The following FBXW2 variants were observed in gnomAD, a reference collection of about 807,000 sequenced individuals.
FBXW2 encodes F-box and WD repeat domain containing 2.
A neutral mutation model predicts 46.0 loss-of-function variants in FBXW2; 12 were observed. The ratio of observed to expected loss-of-function variants is 0.26; its 90% confidence interval spans 0.17 to 0.42. The LOEUF is 0.42. Ranked by LOEUF, FBXW2 falls within the 10% of genes least tolerant of loss-of-function variation. The pLI is 1.00. For missense variants in FBXW2, 360 were observed against 537.0 expected (o/e 0.67, Z 3.26); for synonymous variants, 203 against 209.6 (o/e 0.97, Z 0.27).
chr9:120,768,692 G>GCGT (rs2044318457), intron 7 of FBXW2, among the ~76,000 whole-genome samples: 1 of 152,044 alleles, frequency 6.6e-6, no homozygotes. Flanking sequence ...CATCATGGCA[G>GCGT]GTGCCTTTAA....
rs1554809449 is a variant in FBXW2, at chr9:120,788,114, C to G, written c.145G>C (p.Glu49Gln). The change falls in exon 3 of 8, where the codon GAG (glutamate) becomes CAG (glutamine). Residue 49 changes from glutamate (E) to glutamine (Q), a missense_variant. By Grantham distance (29) the Glu-to-Gln change is conservative. Transcript: ENST00000608872. ...AGGAAGTCCCGCTTGAGGAGAGTCT[C>G]TAGGTTATTGGAGAGATGCCTGAGC... ...VQLRHLSNNLETLLKRDFLKL... is the reference protein window; with the variant it reads ...VQLRHLSNNLQTLLKRDFLKL... 6.2e-7 allele frequency: 1 copy of G among 1,614,132 alleles called. No individual in the cohort carries two copies. The highest frequency in any genetic ancestry group is 8.5e-7 in the Non-Finnish European group (1 of 1,180,024).
chr9:120,789,985 T>C (rs1420939318), intron 2 of FBXW2, among the ~76,000 whole-genome samples: 1 of 152,228 alleles, frequency 6.6e-6, no homozygotes, highest in African/African-American at 2.4e-5. Context: ...AATAATCAGA[T>C]GGCTAAAAGT....
intron 7 of FBXW2, among the ~76,000 whole-genome samples, chr9:120,767,383 G>A (rs778768055): frequency 6.6e-6 from 1 of 152,158 alleles, no homozygotes; most frequent in Non-Finnish European, 1.5e-5. Flanking sequence ...TGACATGTTT[G>A]AGAACATCCA....
chr9:120,792,942 A>T, intron 2 of FBXW2: 1 of 1,533,058 alleles, frequency 6.5e-7, no homozygotes, highest in Non-Finnish European at 8.7e-7. Flanking sequence ...GTACTTCATA[A>T]ACCACCTCAT....
rs527330761 is a variant in FBXW2 at position 120,763,955 on chromosome 9, A to G, written c.*604T>C. On this transcript the variant is annotated 3_prime_UTR_variant, in exon 8 of 8. Transcript: ENST00000608872. ...CATGGCCAACCTTGACTCTGCCAAG[A>G]TATAAGGTTTAGAATGAGTTGCTAA... The G allele has an allele frequency of 1.3e-5, 2 of 154,324 alleles. No homozygotes were observed. The highest frequency in any genetic ancestry group is 3.8e-4 in the East Asian group (2 of 5,252). The allele number at this position is 154,324 out of a possible 1,614,324, so 9.6% of individuals were successfully genotyped here. A position where few individuals can be genotyped will look rare whatever the true frequency, so the allele number is the denominator to read the frequency against.
At chr9:120,775,088 C>T (rs1362464128) in intron 5 of FBXW2, among the ~76,000 whole-genome samples, 1 of 150,602 alleles carries the variant, frequency 6.6e-6, no homozygotes, top group Non-Finnish European at 1.5e-5. Context: ...GAAAGAGTCT[C>T]ACTTTGTTGC....
At chr9:120,787,249 G>A (rs1334104877) in intron 3 of FBXW2, among the ~76,000 whole-genome samples, 1 of 152,132 alleles carries the variant, frequency 6.6e-6, no homozygotes, top group East Asian at 1.9e-4. Flanking sequence ...GTCTGGTCTC[G>A]AACTCCTGAG....
chr9:120,764,436 G>A lies in FBXW2; in HGVS notation c.*123C>T, dbSNP rs2044239012. On this transcript the variant is annotated 3_prime_UTR_variant, in exon 8 of 8. Coordinates refer to ENST00000608872, the MANE Select transcript of FBXW2 (RefSeq NM_012164.4). ...CCTGGCAAAACATAGATAAATGATT[G>A]TGCACTGCGTGATGATACCATTAGG... The A allele has an allele frequency of 2.7e-6, 3 of 1,096,302 alleles. No homozygotes were observed. The African/African-American group carries it at 4.7e-5, about 17-fold the overall frequency. 67.9% of individuals were successfully genotyped at this position (1,096,302 alleles called of 1,614,324 possible).
chr9:120,786,018 CA>C (rs3047150), intron 3 of FBXW2, among the ~76,000 whole-genome samples: 2,422 of 40,644 alleles, frequency 0.06, 7 homozygotes, highest in African/African-American at 0.18. Context: ...GACTCCATCT[CA>C]AAAAAAAAAA....
At chr9:120,781,667 C>CAT (rs1475862020) in intron 3 of FBXW2, among the ~76,000 whole-genome samples, 12 of 150,026 alleles carry the variant, frequency 8.0e-5, no homozygotes, top group Non-Finnish European at 4.4e-5. Context: ...CACACACACA[C>CAT]ACACACACAT....
At chr9:120,788,411 T>G in intron 2 of FBXW2, 133 bp from the exon 3 acceptor site, 1 of 745,202 alleles carries the variant, frequency 1.3e-6, no homozygotes. Flanking sequence ...CATTACAACT[T>G]TACAGTTAAT....
intron 6 of FBXW2, 138 bp from the exon 7 acceptor site, chr9:120,771,655 C>T (rs2131303808): frequency 1.5e-6 from 1 of 685,412 alleles, no homozygotes; most frequent in East Asian, 2.7e-5. Context: ...AGCCAAGAAT[C>T]ACAGGTTCAA....
intron 6 of FBXW2, 26 bp downstream of exon 6, chr9:120,772,728 G>A: frequency 6.8e-7 from 1 of 1,462,772 alleles, no homozygotes; most frequent in Non-Finnish European, 9.2e-7. Flanking sequence ...CTTTAATGAA[G>A]CAAATTAATG....
At position 120,771,328 on chromosome 9, in the gene FBXW2, G is replaced by A. The variant is rs779961089; in HGVS notation, c.1076+20C>T. ...CAGCAGGCTTTCAAAGGTAAAGCGT[G>A]AGGTCGAAGGAAACATTACCTGAGA... is the stretch of plus-strand genomic sequence containing the variant. On this transcript the variant is annotated intron_variant, in intron 7 of 7. Transcript: ENST00000608872. The A allele has an allele frequency of 4.4e-6, 7 of 1,596,490 alleles. No individual in the cohort carries two copies. The highest frequency in any genetic ancestry group is 6.0e-6 in the Non-Finnish European group (7 of 1,170,998).
chr9:120,772,632 G>T, intron 6 of FBXW2, 122 bp downstream of exon 6: 1 of 586,946 alleles, frequency 1.7e-6, no homozygotes. Flanking sequence ...GTTTAAAATG[G>T]CTTGGACTAA....
In FBXW2 at chr9:120,762,752, A is replaced by T. The variant is rs1301842666; in HGVS notation, c.*1807T>A. 2.0e-5 allele frequency: 3 copies of T among 152,230 alleles called. No homozygotes were observed. Among genetic ancestry groups the T allele is most frequent in the Non-Finnish European group, 4.4e-5 (3 of 68,040 alleles). 9.4% of individuals were successfully genotyped at this position (152,230 alleles called of 1,614,324 possible). On this transcript the variant is annotated 3_prime_UTR_variant, in exon 8 of 8. Transcript: ENST00000608872. The stretch of plus-strand genomic sequence containing the variant: ...CACCTGTAAAATGGATATGCTTTAT[A>T]CTGGAGTCAGCAAGAAGGAATAACT...
intron 3 of FBXW2, 142 bp downstream of exon 3, chr9:120,787,627 A>G (rs1377125292): frequency 2.6e-6 from 2 of 758,652 alleles, no homozygotes; most frequent in Admixed American, 3.2e-5. Context: ...AGGGGGGGGA[A>G]CCACTCAGGA....
rs917481973 is a variant in FBXW2 at position 120,761,772 on chromosome 9, A to G, written c.*2787T>C. On this transcript the variant is annotated 3_prime_UTR_variant, in exon 8 of 8. Coordinates refer to ENST00000608872, the MANE Select transcript of FBXW2 (RefSeq NM_012164.4). ...CAAAATCCAGCTGCATGATGATGCC[A>G]CTGTACTCCAGCCTGTATGACAGAG... The G allele has an allele frequency of 1.1e-4, 17 of 152,260 alleles. No homozygotes were observed. The highest frequency in any genetic ancestry group is 3.9e-4 in the African/African-American group (16 of 41,552). 9.4% of individuals were successfully genotyped at this position (152,260 alleles called of 1,614,324 possible). A position where few individuals can be genotyped will look rare whatever the true frequency, so the allele number is the denominator to read the frequency against.
Position 120,771,351 on chromosome 9 carries a change from A to C in FBXW2, c.1073T>G (p.Leu358Arg). Reference protein sequence around the residue: ...YQWDFASYDILRVIKTPEIAN... With the variant: ...YQWDFASYDIRRVIKTPEIAN... ...GTGAGGTCGAAGGAAACATTACCTG[A>C]GAATATCATAACTGGCAAAGTCCCA... is the stretch of plus-strand genomic sequence containing the variant. Residue 358 changes from leucine to arginine, a missense_variant, in exon 7 of 8, where the codon CTC becomes CGC. Leu to Arg is a moderately radical substitution (Grantham distance 102). Coordinates refer to ENST00000608872, the MANE Select transcript of FBXW2 (RefSeq NM_012164.4). 2 of 1,609,200 alleles carry C rather than the reference A, an allele frequency of 1.2e-6. No individual in the cohort carries two copies. Among genetic ancestry groups the C allele is most frequent in the Non-Finnish European group, 1.7e-6 (2 of 1,178,146 alleles).
Sources: gnomAD v4.1 joint callset for allele counts (sites outside exome capture counted in the v4.1 genomes callset) on GRCh38, gnomAD v4.1.1 for gene constraint, MANE v1.5 for transcripts, NCBI Gene and HGNC (gene_info 2026-07-23, HGNC 2026-07-21) for gene names.